CLASP2: variants seen among roughly 807,000 people sequenced by gnomAD.
CLASP2 encodes CLIP-associating protein 2.
In CLASP2, 47 loss-of-function variants were observed where a neutral mutation model predicts 194.4. The ratio of observed to expected loss-of-function variants is 0.24; its 90% CI spans 0.19 to 0.31. The LOEUF is 0.31. Ranked by LOEUF, CLASP2 falls within the 10% of genes least tolerant of loss-of-function variation. The pLI, the probability that CLASP2 is intolerant of heterozygous loss-of-function variation, is 1.00. For missense variants in CLASP2, 1,445 were observed against 1,823.6 expected, an observed-to-expected ratio of 0.79 and a Z score of 3.78; for synonymous variants, 619 against 633.5, an observed-to-expected ratio of 0.98 and a Z score of 0.34.
intron 21 of CLASP2, among the ~76,000 whole-genome samples, chr3:33,585,721 A>C (rs2154218363): frequency 6.6e-6 from 1 of 152,026 alleles, no homozygotes; most frequent in East Asian, 1.9e-4. Context: ...TTTGTTCCTC[A>C]TCTCCTTCCC....
At chr3:33,606,797 T>G in intron 15 of CLASP2, 39 bp from the exon 16 acceptor site, 1 of 1,457,294 alleles carries the variant, frequency 6.9e-7, no homozygotes, top group Non-Finnish European at 9.4e-7. Flanking sequence ...GTAATAGCTT[T>G]ACATAATTAG....
At chr3:33,658,855 TA>T in intron 7 of CLASP2, 1 of 917,136 alleles carries the variant, frequency 1.1e-6, no homozygotes, top group Non-Finnish European at 1.7e-6. Context: ...CACACATGCA[TA>T]AACACACAAG....
At chr3:33,568,570 A>T (rs2063188329) in intron 26 of CLASP2, among the ~76,000 whole-genome samples, 1 of 149,996 alleles carries the variant, frequency 6.7e-6, no homozygotes, top group African/African-American at 2.5e-5. Context: ...AAAAAAAAAA[A>T]AAAAATTACA....
intron 28 of CLASP2, 146 bp downstream of exon 28, chr3:33,560,662 A>C: frequency 1.5e-6 from 1 of 667,780 alleles, no homozygotes; most frequent in Non-Finnish European, 2.6e-6. Context: ...AATATACAAT[A>C]TGAATGGGCA....
chr3:33,695,527 G>GA (rs2091799728), intron 2 of CLASP2, among the ~76,000 whole-genome samples: 1 of 151,858 alleles, frequency 6.6e-6, no homozygotes, highest in African/African-American at 2.4e-5. Flanking sequence ...GAAAATAAAA[G>GA]AAAAAACTGA....
chr3:33,622,384 A>G, intron 10 of CLASP2, 104 bp from the exon 11 acceptor site: 1 of 824,898 alleles, frequency 1.2e-6, no homozygotes, highest in South Asian at 3.6e-5. Context: ...TAAATGAAAC[A>G]TATATAATGT....
intron 26 of CLASP2, 89 bp downstream of exon 26, chr3:33,570,638 T>C (rs566687641): frequency 4.0e-6 from 6 of 1,482,716 alleles, no homozygotes; most frequent in Admixed American, 4.0e-5. Context: ...TTTGGGACAA[T>C]AAAATAAAAA....
At chr3:33,708,626 G>A (rs1395124705) in intron 1 of CLASP2, among the ~76,000 whole-genome samples, 1 of 150,950 alleles carries the variant, frequency 6.6e-6, no homozygotes, top group Non-Finnish European at 1.5e-5. Flanking sequence ...GGACACAGCA[G>A]TTTCCATATC....
At chr3:33,705,957 T>C (rs141049153) in intron 1 of CLASP2, among the ~76,000 whole-genome samples, 17 of 152,268 alleles carry the variant, frequency 1.1e-4, no homozygotes, top group African/African-American at 1.4e-4. Context: ...TAAATGTTTA[T>C]AAAAAACAAT....
At chr3:33,604,011 T>C (rs1489485776) in intron 17 of CLASP2, 143 bp downstream of exon 17, 2 of 623,936 alleles carry the variant, frequency 3.2e-6, no homozygotes, top group Admixed American at 2.9e-5. Flanking sequence ...TATACACGTA[T>C]ACATATACAG....
At chr3:33,567,006 CT>C (rs35479423) in intron 26 of CLASP2, among the ~76,000 whole-genome samples, 2 of 151,926 alleles carry the variant, frequency 1.3e-5, no homozygotes, top group African/African-American at 4.8e-5. Flanking sequence ...GACAAAAACT[CT>C]TTTTTTTCCA....
intron 25 of CLASP2, among the ~76,000 whole-genome samples, chr3:33,572,711 A>C (rs1306490307): frequency 6.6e-6 from 1 of 152,194 alleles, no homozygotes; most frequent in African/African-American, 2.4e-5. Context: ...CACACTAAGA[A>C]TATATCTTCA....
chr3:33,497,112 A>G lies in CLASP2; in HGVS notation c.*1519T>C, dbSNP rs1257342018. 1 of 152,608 alleles carries G rather than the reference A, an allele frequency of 6.6e-6. No individual in the cohort carries two copies. Among genetic ancestry groups the G allele is most frequent in the Admixed American group, 6.5e-5 (1 of 15,282 alleles). The allele number at this position is 152,608 out of a possible 1,614,324, so 9.5% of individuals were successfully genotyped here. A position where few individuals can be genotyped will look rare whatever the true frequency, so the allele number is the denominator to read the frequency against. On this transcript the variant is annotated 3_prime_UTR_variant, in exon 39 of 39. Transcript: ENST00000682230. ...AAACAAAATTGTTACAGGTAGAGGG[A>G]GAGGATATAGAGAAACTTTTCCTGC...
At chr3:33,636,368 C>T (rs916996313) in intron 8 of CLASP2, among the ~76,000 whole-genome samples, 1 of 151,798 alleles carries the variant, frequency 6.6e-6, no homozygotes, top group Non-Finnish European at 1.5e-5. Context: ...CTATACTGTG[C>T]TCCAATAAGA....
At chr3:33,699,736 A>G (rs2092234648) in intron 1 of CLASP2, among the ~76,000 whole-genome samples, 1 of 152,122 alleles carries the variant, frequency 6.6e-6, no homozygotes, top group African/African-American at 2.4e-5. Context: ...TATAATAACC[A>G]TAACAATATA....
chr3:33,708,255 T>C (rs1004723345), intron 1 of CLASP2, among the ~76,000 whole-genome samples: 2 of 151,756 alleles, frequency 1.3e-5, no homozygotes, highest in African/African-American at 4.8e-5. Context: ...CCATTCTATA[T>C]TCTATTCTGT....
Position 33,684,413 on chromosome 3 carries a change from T to A in CLASP2, c.590A>T (p.His197Leu). 6.2e-7 allele frequency: 1 copy of A among 1,605,976 alleles called. No homozygotes were observed. The highest frequency in any genetic ancestry group is 8.5e-7 in the Non-Finnish European group (1 of 1,175,678). The change falls in exon 6 of 39, where the codon CAT (histidine) becomes CTT (leucine). Residue 197 changes from histidine to leucine, a missense_variant. Physicochemically the swap from His to Leu is moderately conservative, Grantham distance 99 (BLOSUM62 -3). Transcript: ENST00000682230. ...ATCCATCCTCACTTTTTCTCCCACA[T>A]GTCTATAAATCTCCACTATAGCCAA... ...AILAIVEIYR[H>L]VGEKVRMDLY...
In CLASP2 at chr3:33,603,009, C is replaced by A. The variant is rs200748001; in HGVS notation, c.1867G>T (p.Val623Leu). The change falls in exon 18 of 39, where the codon GTG becomes TTG. Residue 623 changes from valine to leucine, a missense_variant. Val to Leu is a conservative substitution (Grantham distance 32). Coordinates refer to ENST00000682230, the MANE Select transcript of CLASP2 (RefSeq NM_001365631.1). Reference protein sequence around the residue: ...AKAHHAAGQSVRSGRLGAGAL... With the variant: ...AKAHHAAGQSLRSGRLGAGAL... ...CCTGCACCTAAGCGCCCGCTTCGCA[C>A]AGACTGTCCAGCAGCATGATGTGCC... The A allele has an allele frequency of 1.2e-6, 2 of 1,609,906 alleles. No individual in the cohort carries two copies. Among genetic ancestry groups the A allele is most frequent in the East Asian group, 2.2e-5 (1 of 44,788 alleles).
At chr3:33,698,626 A>T (rs2092142966) in intron 1 of CLASP2, among the ~76,000 whole-genome samples, 1 of 152,214 alleles carries the variant, frequency 6.6e-6, no homozygotes, top group African/African-American at 2.4e-5. Context: ...AAATTAACCA[A>T]GTGACAAAAA....
Sources: gnomAD v4.1 joint callset for allele counts (sites outside exome capture counted in the v4.1 genomes callset) on GRCh38, gnomAD v4.1.1 for gene constraint, MANE v1.5 for transcripts, NCBI Gene and HGNC (gene_info 2026-07-23, HGNC 2026-07-21) for gene names.